DMD: variants seen among roughly 807,000 people sequenced by gnomAD.
DMD encodes the protein dystrophin.
DMD carries 63 observed loss-of-function variants against 330.1 expected under a neutral mutation model. The ratio of observed to expected loss-of-function variants is 0.19; its 90% CI spans 0.16 to 0.24. The LOEUF is 0.24. Ranked by LOEUF, DMD falls within the 10% of genes least tolerant of loss-of-function variation. DMD has a pLI of 1.00. For missense variants in DMD, 3,344 were observed against 2,684.1 expected, an observed-to-expected ratio of 1.25 and a Z score of -5.43; for synonymous variants, 1,223 against 959.8, an observed-to-expected ratio of 1.27 and a Z score of -5.07.
rs754997935 is a variant in DMD at position 31,658,103 on chromosome X, A to G, written c.7914T>C (p.Asp2638=). The change falls in exon 54 of 79, where the codon GAT becomes GAC. Residue 2638 remains aspartate, a synonymous_variant. Coordinates refer to ENST00000357033, the MANE Select transcript of DMD (RefSeq NM_004006.3). ...KDLRQWQTNV[D]VANDLALKLL... is the part of the protein sequence containing the mutation. ...GTTTCAGGGCCAAGTCATTTGCCAC[A>G]TCTACATTTGTCTGCCACTGGCGGA... is the stretch of plus-strand genomic sequence containing the variant. 12 of 1,210,378 alleles carry G rather than the reference A, an allele frequency of 9.9e-6. No individual in the cohort carries two copies. The African/African-American group carries it at 1.0e-4, about 11-fold the overall frequency.
At chrX:33,150,008 T>A (rs2148622250) in intron 1 of DMD, among the ~76,000 whole-genome samples, 1 of 111,985 alleles carries the variant, frequency 8.9e-6, no homozygotes, top group African/African-American at 3.2e-5. Context: ...TGATCTAATA[T>A]AATTATATAC....
At chrX:32,133,693 C>G (rs760811117) in intron 44 of DMD, among the ~76,000 whole-genome samples, 13 of 111,263 alleles carry the variant, frequency 1.2e-4, no homozygotes, top group Non-Finnish European at 1.9e-4. Flanking sequence ...TCTCCCATGC[C>G]CCTTATCCAA....
chrX:33,081,052 C>A (rs72626074), intron 1 of DMD, among the ~76,000 whole-genome samples: 1 of 108,869 alleles, frequency 9.2e-6, no homozygotes, highest in African/African-American at 3.4e-5. Flanking sequence ...ACTGATAAGA[C>A]TTTTTATTTG....
chrX:32,729,115 T>C (rs1421806625), intron 7 of DMD, among the ~76,000 whole-genome samples: 4 of 112,077 alleles, frequency 3.6e-5, no homozygotes, highest in Non-Finnish European at 7.5e-5. Flanking sequence ...AAATTTGAAA[T>C]CTGAAATGCT....
chrX:31,639,884 G>T (rs371578162), intron 54 of DMD, among the ~76,000 whole-genome samples: 2 of 110,874 alleles, frequency 1.8e-5, no homozygotes, highest in East Asian at 5.6e-4. Context: ...TTGGGTCTGA[G>T]AAGTTTGAAA....
chrX:31,715,331 T>G (rs2084953349), intron 52 of DMD, among the ~76,000 whole-genome samples: 1 of 106,148 alleles, frequency 9.4e-6, no homozygotes, highest in Non-Finnish European at 1.9e-5. Flanking sequence ...GATCACGAGG[T>G]CAGGAGATCG....
chrX:32,699,014 A>C, intron 8 of DMD, 98 bp downstream of exon 8: 5 of 727,441 alleles, frequency 6.9e-6, no homozygotes, highest in Non-Finnish European at 8.6e-6. Context: ...ATACACGTGT[A>C]TATACATATA....
chrX:32,466,008 C>G (rs1464203178), intron 23 of DMD, among the ~76,000 whole-genome samples: 2 of 111,453 alleles, frequency 1.8e-5, no homozygotes, highest in African/African-American at 6.5e-5. Flanking sequence ...TTCCTCTCAT[C>G]TTGGGAATGT....
chrX:31,426,995 G>A (rs1398121183), intron 60 of DMD, among the ~76,000 whole-genome samples: 30 of 111,611 alleles, frequency 2.7e-4, no homozygotes, highest in Non-Finnish European at 2.4e-4. Context: ...TGTTTACTTG[G>A]CCAAATAAGG....
chrX:33,046,406 C>T (rs188797577), intron 1 of DMD, among the ~76,000 whole-genome samples: 2 of 111,835 alleles, frequency 1.8e-5, no homozygotes, highest in Admixed American at 1.9e-4. Flanking sequence ...CCCAAGGCTT[C>T]ACTGTGAGGA....
intron 9 of DMD, among the ~76,000 whole-genome samples, chrX:32,651,309 A>C (rs1455819691): frequency 9.2e-6 from 1 of 108,943 alleles, no homozygotes; most frequent in African/African-American, 3.4e-5. Context: ...CACCGGGCTA[A>C]TTTTTATATT....
rs1057257928 is a variant in DMD, at chrX:31,141,568, T to G, written c.10921+4723A>C. 2.7e-5 allele frequency among the ~76,000 whole-genome samples: 3 copies of G among 111,728 alleles called. No homozygotes were observed. In the Admixed American group the frequency reaches 2.9e-4, roughly 11 times the overall value. On this transcript the variant is annotated intron_variant, in intron 76 of 78. Transcript: ENST00000357033. ...CAGAAGTAGCTGAATTGAAGAATTT[T>G]GCTCTTTTTCATAAGTAGCAAAACA... is the stretch of plus-strand genomic sequence containing the variant.
chrX:31,152,858 T>C (rs748313813), intron 74 of DMD, among the ~76,000 whole-genome samples: 1 of 108,622 alleles, frequency 9.2e-6, no homozygotes, highest in African/African-American at 3.3e-5. Context: ...TTTTTGATGT[T>C]TAACTTGGGT....
chrX:32,546,971 T>G (rs1468816175), intron 16 of DMD, among the ~76,000 whole-genome samples: 1 of 112,134 alleles, frequency 8.9e-6, no homozygotes, highest in Non-Finnish European at 1.9e-5. Context: ...CAAGAGCATT[T>G]ACTTTGTAAT....
At chrX:33,214,036 C>A (rs192990310), upstream of DMD, among the ~76,000 whole-genome samples, 258 of 82,533 alleles carry the variant, frequency 3.1e-3, no homozygotes, top group Non-Finnish European at 4.9e-3. Flanking sequence ...CGGTATGTAA[C>A]CTTTTGAGAT....
chrX:32,348,615 G>T, intron 37 of DMD, 87 bp from the exon 38 acceptor site: 1 of 839,636 alleles, frequency 1.2e-6, no homozygotes, highest in Non-Finnish European at 1.7e-6. Flanking sequence ...TCAACCTCCT[G>T]TTGCTAAACT....
intron 17 of DMD, among the ~76,000 whole-genome samples, chrX:32,520,175 C>T (rs1430035771): frequency 1.8e-5 from 2 of 111,729 alleles, no homozygotes; most frequent in South Asian, 3.7e-4. Flanking sequence ...ATCTTTCCTA[C>T]ATTTTTTATC....
chrX:32,343,458 C>T (rs996086364), intron 39 of DMD, among the ~76,000 whole-genome samples, 172 bp from the exon 40 acceptor site: 2 of 111,839 alleles, frequency 1.8e-5, no homozygotes, highest in African/African-American at 6.5e-5. Flanking sequence ...ATGCATGAGG[C>T]GGGACCCATG....
chrX:33,041,401 G>T (rs1184406029), intron 1 of DMD: 18 of 1,193,447 alleles, frequency 1.5e-5, no homozygotes, highest in Non-Finnish European at 2.0e-5. Flanking sequence ...GACCATGGCC[G>T]ATCCTCGCGT....
Sources: gnomAD v4.1 joint callset for allele counts (sites outside exome capture counted in the v4.1 genomes callset) on GRCh38, gnomAD v4.1.1 for gene constraint, MANE v1.5 for transcripts, NCBI Gene and HGNC (gene_info 2026-07-23, HGNC 2026-07-21) for gene names.